Variants in CNGA3 observed in about 807,000 individuals in gnomAD.
The protein encoded by CNGA3 is cyclic nucleotide-gated channel alpha-3.
Under a neutral mutation model 46.6 loss-of-function variants are expected in CNGA3, and 42 were observed. The ratio of observed to expected loss-of-function variants is 0.90; its 90% CI spans 0.70 to 1.17. The LOEUF (loss-of-function observed/expected upper bound fraction) is 1.17, where lower values mean the gene tolerates loss of function less well. CNGA3 is among the 50% of genes most tolerant of loss of function. The probability of loss-of-function intolerance (pLI) is 0.00; values close to 1 mark genes in which losing one functional copy is unlikely to be tolerated. For missense variants in CNGA3, 893 were observed against 890.7 expected (o/e 1.00, Z -0.03); for synonymous variants, 394 against 369.4 (o/e 1.07, Z -0.76).
At chr2:98,388,033 T>C (rs1692692172) in intron 5 of CNGA3, among the ~76,000 whole-genome samples, 1 of 152,180 alleles carries the variant, frequency 6.6e-6, no homozygotes, top group African/African-American at 2.4e-5. Flanking sequence ...GCCACTAATT[T>C]CTCAATGTAT....
intron 1 of CNGA3, among the ~76,000 whole-genome samples, chr2:98,349,945 C>A (rs1406892374): frequency 1.3e-5 from 2 of 152,124 alleles, no homozygotes; most frequent in Non-Finnish European, 2.9e-5. Context: ...GAAGAGCATG[C>A]TTGACAGTAG....
At chr2:98,346,665 G>C in intron 1 of CNGA3, 131 bp downstream of exon 1, 1 of 390,610 alleles carries the variant, frequency 2.6e-6, no homozygotes, top group Non-Finnish European at 4.5e-6. Flanking sequence ...TGCTTCCAGG[G>C]GCGGGCGCGG....
intron 1 of CNGA3, among the ~76,000 whole-genome samples, chr2:98,355,068 T>G (rs1042319295): frequency 6.6e-6 from 1 of 152,216 alleles, no homozygotes; most frequent in Non-Finnish European, 1.5e-5. Flanking sequence ...ATGAGATGAT[T>G]ATGAGGTCTT....
chr2:98,394,799 G>A (rs1240162599), intron 7 of CNGA3, among the ~76,000 whole-genome samples: 1 of 152,206 alleles, frequency 6.6e-6, no homozygotes, highest in Non-Finnish European at 1.5e-5. Context: ...ACTGAGTCAT[G>A]CAAAAGCTGC....
rs368962370 is a variant in CNGA3, at chr2:98,377,739, A to G, written c.154A>G (p.Met52Val). Residue 52 changes from methionine to valine, a missense_variant, in exon 3 of 8, where the codon ATG (methionine) becomes GTG (valine). Met to Val is a conservative substitution (Grantham distance 21, BLOSUM62 1). This residue lies in a region of CNGA3 where 333 missense variants were observed against 290.8 expected (regional missense o/e 1.15). Transcript: ENST00000272602. ...GTCAGTGCTGCAGCCGGGGATCGCCATGGAGACCAGAGGACTGGCTGACTC... is the reference window on the plus strand; with the variant it reads ...GTCAGTGCTGCAGCCGGGGATCGCCGTGGAGACCAGAGGACTGGCTGACTC... ...TSSVLQPGIA[M>V]ETRGLADSGQ... The G allele has an allele frequency of 8.1e-6, 13 of 1,613,330 alleles. No homozygotes were observed. Among genetic ancestry groups the G allele is most frequent in the Middle Eastern group, 1.8e-4 (1 of 5,562 alleles).
At chr2:98,367,853 A>G (rs1287264241) in intron 1 of CNGA3, among the ~76,000 whole-genome samples, 3 of 152,166 alleles carry the variant, frequency 2.0e-5, no homozygotes, top group Non-Finnish European at 4.4e-5. Context: ...CAGGGAACTC[A>G]TGTTCCCTGA....
Position 98,349,900 on chromosome 2 carries a change from G to A in CNGA3, c.-38+3366G>A, listed in dbSNP as rs148771735. Reference sequence around the variant, plus strand: ...GGGTAGTCAGTTGGCTCTGGGTGTTGCTCATGGCATTAACCAAGACAGTAC... The same window carrying A: ...GGGTAGTCAGTTGGCTCTGGGTGTTACTCATGGCATTAACCAAGACAGTAC... On this transcript the variant is annotated intron_variant, in intron 1 of 7. Coordinates refer to ENST00000272602, the MANE Select transcript of CNGA3 (RefSeq NM_001298.3). Among the ~76,000 whole-genome samples the A allele has an allele frequency of 1.1e-4, 17 of 152,288 alleles. No homozygotes were observed. The East Asian group carries it at 3.3e-3, about 29-fold the overall frequency.
Position 98,397,480 on chromosome 2 carries a change from C to T in CNGA3, c.*225C>T. The T allele has an allele frequency of 3.3e-6, 2 of 600,106 alleles. No individual in the cohort carries two copies. The highest frequency in any genetic ancestry group is 2.8e-5 in the Admixed American group (1 of 35,676). 37.2% of individuals were successfully genotyped at this position (600,106 alleles called of 1,614,324 possible). A position where few individuals can be genotyped will look rare whatever the true frequency, so the allele number is the denominator to read the frequency against. ...TTGATTGTGAAGTCCGCATGAAACA[C>T]TGCACCAGGCAGGGCTTTGCAAAGT... On this transcript the variant is annotated 3_prime_UTR_variant, in exon 8 of 8. Transcript: ENST00000272602.
rs191584433 is a variant in CNGA3, at chr2:98,397,146, A to C, written c.1976A>C (p.Lys659Thr). 48 of 1,614,114 alleles carry C rather than the reference A, an allele frequency of 3.0e-5. No individual in the cohort carries two copies. The highest frequency in any genetic ancestry group is 1.7e-4 in the Admixed American group (10 of 60,020). The part of the protein sequence containing the change: ...AEYNATQMKM[K>T]QRLSQLESQV... ...TACAACGCCACCCAGATGAAGATGA[A>C]GCAGCGTCTCAGCCAACTGGAAAGC... Residue 659 changes from lysine to threonine, a missense_variant, in exon 8 of 8, where the codon AAG becomes ACG. Lys to Thr is a moderately conservative substitution (Grantham distance 78). Coordinates refer to ENST00000272602, the MANE Select transcript of CNGA3 (RefSeq NM_001298.3).
At chr2:98,369,286 C>T (rs2104172982) in intron 1 of CNGA3, among the ~76,000 whole-genome samples, 1 of 152,354 alleles carries the variant, frequency 6.6e-6, no homozygotes, top group South Asian at 2.1e-4. Flanking sequence ...AAGACGATTT[C>T]ACAAGGATTG....
At chr2:98,363,843 T>A (rs560300232) in intron 1 of CNGA3, among the ~76,000 whole-genome samples, 1 of 152,302 alleles carries the variant, frequency 6.6e-6, no homozygotes, top group East Asian at 1.9e-4. Flanking sequence ...GTCCTGAATA[T>A]CCTTGTTAAT....
intron 1 of CNGA3, among the ~76,000 whole-genome samples, chr2:98,362,438 C>T (rs561515676): frequency 6.6e-6 from 1 of 152,120 alleles, no homozygotes; most frequent in East Asian, 1.9e-4. Flanking sequence ...GCCTCGGCCT[C>T]CCAAAGTGCT....
chr2:98,355,131 C>CT (rs1468524991), intron 1 of CNGA3, among the ~76,000 whole-genome samples: 1 of 152,114 alleles, frequency 6.6e-6, no homozygotes, highest in Non-Finnish European at 1.5e-5. Context: ...TTGGGTAAGT[C>CT]TATTTTGCAT....
At chr2:98,360,438 AAAG>A (rs1228356698) in intron 1 of CNGA3, among the ~76,000 whole-genome samples, 1 of 152,214 alleles carries the variant, frequency 6.6e-6, no homozygotes, top group Non-Finnish European at 1.5e-5. Flanking sequence ...GGAAATGTAC[AAAG>A]AAGAGTAATT....
chr2:98,383,366 T>C, intron 4 of CNGA3, 22 bp from the exon 5 acceptor site: 2 of 1,613,144 alleles, frequency 1.2e-6, no homozygotes, highest in Non-Finnish European at 1.7e-6. Flanking sequence ...AGACCCTTGA[T>C]GTTCTCTCTA....
intron 7 of CNGA3, among the ~76,000 whole-genome samples, chr2:98,395,280 G>A (rs546604995): frequency 9.9e-5 from 15 of 151,724 alleles, no homozygotes; most frequent in African/African-American, 3.4e-4. Flanking sequence ...AGTGGTTCTC[G>A]TGCCTCAGCT....
Position 98,383,373 on chromosome 2 carries a change from T to C in CNGA3, c.396-15T>C. 1 of 1,613,970 alleles carries C rather than the reference T, an allele frequency of 6.2e-7. No individual in the cohort carries two copies. Among genetic ancestry groups the C allele is most frequent in the East Asian group, 2.2e-5 (1 of 44,874 alleles). On this transcript the variant is annotated splice_polypyrimidine_tract_variant and intron_variant, in intron 4 of 7. Coordinates refer to ENST00000272602, the MANE Select transcript of CNGA3 (RefSeq NM_001298.3). ...CAGAGTTCAGACCCTTGATGTTCTC[T>C]CTACCTTCCCGCAGCGCCTGGCCCC...
At chr2:98,375,468 C>A (rs1692384070) in intron 2 of CNGA3, among the ~76,000 whole-genome samples, 1 of 152,260 alleles carries the variant, frequency 6.6e-6, no homozygotes, top group Non-Finnish European at 1.5e-5. Flanking sequence ...TCTGCCACCT[C>A]CTCCTGCAAC....
rs577054431 is a variant in CNGA3, at chr2:98,397,305, G to A, written c.*50G>A. The A allele has an allele frequency of 2.2e-5, 34 of 1,560,426 alleles. No homozygotes were observed. Among genetic ancestry groups the A allele is most frequent in the African/African-American group, 1.6e-4 (12 of 74,068 alleles). ...CACAGGGTCGACTGTCAGGGTGACC[G>A]TATGTGGCCGCAGCTGTGTGGCATG... is the stretch of plus-strand genomic sequence containing the variant. On this transcript the variant is annotated 3_prime_UTR_variant, in exon 8 of 8. Transcript: ENST00000272602.
Sources: allele counts gnomAD v4.1 joint callset (sites outside exome capture counted in the v4.1 genomes callset), GRCh38; gene constraint gnomAD v4.1.1; regional missense constraint gnomAD v4.1.1; transcripts MANE v1.5; gene names NCBI Gene and HGNC (gene_info 2026-07-23, HGNC 2026-07-21).